Variants in HERC2 observed in about 807,000 individuals in gnomAD.
HERC2 encodes the protein HECT and RLD domain containing E3 ubiquitin protein ligase 2.
A neutral mutation model predicts 537.7 loss-of-function variants in HERC2; 102 were observed. The ratio of observed to expected loss-of-function variants is 0.19; its 90% CI spans 0.16 to 0.22. The LOEUF is 0.22. Among genes scored for constraint, HERC2 ranks in the 10% least tolerant of loss-of-function variants. The probability of loss-of-function intolerance (pLI) is 1.00; values close to 1 mark genes in which losing one functional copy is unlikely to be tolerated. For synonymous variants in HERC2, 2,224 were observed against 2,466.2 expected, an observed-to-expected ratio of 0.90 and a Z score of 2.91; for missense variants, 4,236 against 6,198.2, an observed-to-expected ratio of 0.68 and a Z score of 10.63.
chr15:28,126,446 G>C (rs1889496049), intron 83 of HERC2, among the ~76,000 whole-genome samples: 1 of 152,166 alleles, frequency 6.6e-6, no homozygotes, highest in South Asian at 2.1e-4. Flanking sequence ...GTTTATAGCA[G>C]CACAATTTGC....
At chr15:28,299,057 A>C (rs1415020107) in intron 3 of HERC2, among the ~76,000 whole-genome samples, 1 of 152,192 alleles carries the variant, frequency 6.6e-6, no homozygotes, top group East Asian at 1.9e-4. Flanking sequence ...GAACAACATA[A>C]TGATAGTCTT....
rs867915598 is a variant in HERC2, at chr15:28,262,993, T to C, written c.2047A>G (p.Lys683Glu). Residue 683 changes from lysine to glutamate, a missense_variant, in exon 15 of 93, where the codon AAA (lysine) becomes GAA (glutamate). By Grantham distance (56) the Lys-to-Glu change is moderately conservative. Transcript: ENST00000261609. ...TGTCCAAGTCTCTGGTTGTCACCTT[T>C]TCCCCATGAATAAACTTGGCCATCT... The part of the protein sequence containing the change: ...TKDGQVYSWG[K>E]GDNQRLGHGT... 6.2e-7 allele frequency: 1 copy of C among 1,614,206 alleles called. No homozygotes were observed. Among genetic ancestry groups the C allele is most frequent in the Non-Finnish European group, 8.5e-7 (1 of 1,180,030 alleles).
chr15:28,175,452 T>C, intron 64 of HERC2, 60 bp downstream of exon 64: 9 of 1,490,812 alleles, frequency 6.0e-6, no homozygotes, highest in Non-Finnish European at 8.3e-6. Flanking sequence ...GGCCGTGTCA[T>C]GACCCCCACG....
At chr15:28,246,669 C>T (rs1015680589) in intron 22 of HERC2, 73 bp downstream of exon 22, 35 of 1,299,586 alleles carry the variant, frequency 2.7e-5, no homozygotes, top group Non-Finnish European at 3.4e-5. Flanking sequence ...GCATGCTGAT[C>T]AGCAAAGAAG....
At chr15:28,304,360 T>G (rs2076720527) in intron 2 of HERC2, among the ~76,000 whole-genome samples, 1 of 151,190 alleles carries the variant, frequency 6.6e-6, no homozygotes, top group South Asian at 2.1e-4. Flanking sequence ...ATGCCCTTTA[T>G]TTCTTCTTTT....
chr15:28,210,254 C>A (rs1899028782), intron 44 of HERC2, among the ~76,000 whole-genome samples: 2 of 152,260 alleles, frequency 1.3e-5, no homozygotes, highest in South Asian at 4.1e-4. Flanking sequence ...CTGCGTCAGC[C>A]TCCCAAGTAG....
intron 65 of HERC2, among the ~76,000 whole-genome samples, chr15:28,171,697 T>C (rs1894711628): frequency 6.6e-6 from 1 of 152,070 alleles, no homozygotes; most frequent in Non-Finnish European, 1.5e-5. Context: ...AATCTGAATA[T>C]TCCCATACAG....
intron 22 of HERC2, 148 bp downstream of exon 22, chr15:28,246,594 T>C (rs551441683): frequency 1.7e-5 from 10 of 578,788 alleles, no homozygotes; most frequent in Admixed American, 1.6e-4. Context: ...GAACTGTCAG[T>C]AACTAAAAAA....
chr15:28,301,138 G>C (rs1018254052), intron 2 of HERC2, among the ~76,000 whole-genome samples: 2 of 151,894 alleles, frequency 1.3e-5, no homozygotes, highest in African/African-American at 2.4e-5. Flanking sequence ...AACATGGCCA[G>C]GTGCGGTGGC....
At chr15:28,132,522 T>G in intron 80 of HERC2, 131 bp downstream of exon 80, 1 of 947,652 alleles carries the variant, frequency 1.1e-6, no homozygotes, top group Non-Finnish European at 1.4e-6. Flanking sequence ...ATTCACTTCT[T>G]GCACCCAAAA....
intron 70 of HERC2, among the ~76,000 whole-genome samples, chr15:28,148,644 C>T (rs935898548): frequency 2.0e-4 from 31 of 151,684 alleles, no homozygotes; most frequent in Admixed American, 1.7e-3. Context: ...TAACCGAGAA[C>T]GGCCACACGA....
At chr15:28,212,810 TA>T in intron 42 of HERC2, 1 of 473,238 alleles carries the variant, frequency 2.1e-6, no homozygotes, top group Non-Finnish European at 2.8e-6. Flanking sequence ...CTGTCAACAA[TA>T]ATTACATCAG....
At chr15:28,216,674 A>G (rs1170363485) in intron 38 of HERC2, among the ~76,000 whole-genome samples, 29 of 150,720 alleles carry the variant, frequency 1.9e-4, no homozygotes, top group Admixed American at 1.6e-3. Context: ...ACTCACACTG[A>G]TACTAAGTTA....
chr15:28,223,321 C>G (rs1900728282), intron 35 of HERC2, among the ~76,000 whole-genome samples: 1 of 152,150 alleles, frequency 6.6e-6, no homozygotes, highest in Non-Finnish European at 1.5e-5. Context: ...TTTTAGTTTT[C>G]TCCTCCAGGT....
At position 28,239,272 on chromosome 15, in the gene HERC2, T is replaced by C. The variant is rs368136636; in HGVS notation, c.3578-500A>G. 1.6e-3 allele frequency among the ~76,000 whole-genome samples: 245 copies of C among 152,288 alleles called. 5 individuals are homozygous for C. In the South Asian group the frequency reaches 0.03, roughly 19 times the overall value. On this transcript the variant is annotated intron_variant, in intron 23 of 92. Transcript: ENST00000261609. ...ACAACTAAATGCATGCTTGAGGGCA[T>C]TTATGCCTTTAAATGTGTATATTAG...
At chr15:28,125,776 G>A (rs1410208424) in intron 83 of HERC2, among the ~76,000 whole-genome samples, 2 of 152,074 alleles carry the variant, frequency 1.3e-5, no homozygotes, top group Non-Finnish European at 2.9e-5. Context: ...CCCAGCTCAA[G>A]TGATCCTCCC....
intron 2 of HERC2, among the ~76,000 whole-genome samples, chr15:28,314,100 C>A (rs1275293791): frequency 6.6e-6 from 1 of 152,202 alleles, no homozygotes; most frequent in Non-Finnish European, 1.5e-5. Context: ...AACATCCTCT[C>A]TGGGGGAAGT....
At chr15:28,183,014 C>G (rs1431985370) in intron 56 of HERC2, among the ~76,000 whole-genome samples, 21 of 152,162 alleles carry the variant, frequency 1.4e-4, no homozygotes, top group Admixed American at 1.4e-3. Flanking sequence ...CATGGAGTTA[C>G]TTTAACACAG....
intron 70 of HERC2, among the ~76,000 whole-genome samples, chr15:28,149,841 A>T (rs1269660183): frequency 3.3e-5 from 5 of 151,422 alleles, no homozygotes; most frequent in Non-Finnish European, 7.4e-5. Context: ...CGCCGAGAAC[A>T]GCCACACGAA....
Sources: gnomAD v4.1 joint callset for allele counts (sites outside exome capture counted in the v4.1 genomes callset) on GRCh38, gnomAD v4.1.1 for gene constraint, MANE v1.5 for transcripts, NCBI Gene and HGNC (gene_info 2026-07-23, HGNC 2026-07-21) for gene names.